The following PROM1 variants were observed in gnomAD, a reference collection of about 807,000 sequenced individuals.
PROM1 encodes the protein prominin-1.
A neutral mutation model predicts 116.9 loss-of-function variants in PROM1; 105 were observed. The ratio of observed to expected loss-of-function variants is 0.90; its 90% CI spans 0.77 to 1.06. The LOEUF (loss-of-function observed/expected upper bound fraction) is 1.06. Among genes scored for constraint, PROM1 ranks in the 50% least tolerant of loss-of-function variants. PROM1 has a pLI of 0.00. For missense variants in PROM1, 1,122 were observed against 1,045.2 expected, an observed-to-expected ratio of 1.07 and a Z score of -1.01; for synonymous variants, 393 against 387.0, an observed-to-expected ratio of 1.02 and a Z score of -0.18.
At chr4:15,996,188 C>T (rs1340149062) in intron 15 of PROM1, among the ~76,000 whole-genome samples, 1 of 152,200 alleles carries the variant, frequency 6.6e-6, no homozygotes, top group Non-Finnish European at 1.5e-5. Context: ...ACTATTACCA[C>T]TTAGCATAAT....
At chr4:16,007,221 A>AT (rs1725743247) in intron 12 of PROM1, among the ~76,000 whole-genome samples, 2 of 152,212 alleles carry the variant, frequency 1.3e-5, no homozygotes, top group African/African-American at 2.4e-5. Flanking sequence ...ACTGAACCAG[A>AT]TTACATGGCA....
chr4:15,998,254 T>A, intron 15 of PROM1, 131 bp downstream of exon 15: 1 of 1,329,784 alleles, frequency 7.5e-7, no homozygotes, highest in South Asian at 1.7e-5. Context: ...GTCTTTAAAA[T>A]AATACAGGAC....
chr4:16,014,915 A>G (rs1029658865), intron 10 of PROM1, among the ~76,000 whole-genome samples: 2 of 152,238 alleles, frequency 1.3e-5, no homozygotes, highest in African/African-American at 2.4e-5. Context: ...GGGGGTTTAC[A>G]GTTCAGTGGT....
At chr4:16,036,856 A>C (rs562043802) in intron 3 of PROM1, among the ~76,000 whole-genome samples, 2 of 152,198 alleles carry the variant, frequency 1.3e-5, no homozygotes, top group Non-Finnish European at 2.9e-5. Context: ...TTCTTTGGAT[A>C]ATGGTAGAAA....
chr4:16,073,739 C>T (rs1743330121), intron 2 of PROM1, among the ~76,000 whole-genome samples: 1 of 152,186 alleles, frequency 6.6e-6, no homozygotes, highest in African/African-American at 2.4e-5. Flanking sequence ...ATTAGGATTA[C>T]AATTCTTCAG....
intron 20 of PROM1, among the ~76,000 whole-genome samples, 152 bp downstream of exon 20, chr4:15,987,511 T>C (rs544812894): frequency 6.6e-6 from 1 of 152,110 alleles, no homozygotes; most frequent in Admixed American, 6.5e-5. Context: ...AGAAAGGAAA[T>C]AGTAGGAAAG....
intron 2 of PROM1, among the ~76,000 whole-genome samples, chr4:16,062,814 T>C (rs1740646588): frequency 6.6e-6 from 1 of 152,246 alleles, no homozygotes; most frequent in Non-Finnish European, 1.5e-5. Context: ...AAAAACTTTC[T>C]TAATTTAGGC....
At chr4:15,993,360 C>T (rs889671893) in intron 16 of PROM1, among the ~76,000 whole-genome samples, 2 of 152,182 alleles carry the variant, frequency 1.3e-5, no homozygotes, top group South Asian at 2.1e-4. Context: ...TCTAGGTTAA[C>T]GGCACCCTAG....
intron 2 of PROM1, among the ~76,000 whole-genome samples, chr4:16,061,737 C>T (rs1740356348): frequency 6.6e-6 from 1 of 152,128 alleles, no homozygotes; most frequent in African/African-American, 2.4e-5. Context: ...GCTAGCAATC[C>T]AAGATCCAGG....
intron 10 of PROM1, 64 bp downstream of exon 10, chr4:16,016,102 T>G: frequency 7.3e-7 from 1 of 1,369,638 alleles, no homozygotes; most frequent in Non-Finnish European, 1.0e-6. Flanking sequence ...CCTATTTTCT[T>G]ATGTACTAGT....
chr4:16,058,146 A>G (rs917492706), intron 2 of PROM1, among the ~76,000 whole-genome samples: 3 of 152,230 alleles, frequency 2.0e-5, no homozygotes, highest in African/African-American at 7.2e-5. Flanking sequence ...TTCACTGTGC[A>G]GTTCCAGAAA....
rs575698443 is a variant in PROM1 at position 15,992,974 on chromosome 4, G to A, written c.1768-583C>T. On this transcript the variant is annotated intron_variant, in intron 16 of 27. Coordinates refer to ENST00000447510, the MANE Select transcript of PROM1 (RefSeq NM_006017.3). Reference sequence around the variant, plus strand: ...TTCCAGCAGCATGGAGTGCCTGCACGTCCCAGGCAACCTCTCCAACTGCCA... The same window carrying A: ...TTCCAGCAGCATGGAGTGCCTGCACATCCCAGGCAACCTCTCCAACTGCCA... 1.2e-3 allele frequency among the ~76,000 whole-genome samples: 181 copies of A among 152,316 alleles called. 2 individuals are homozygous for A. The highest frequency in any genetic ancestry group is 3.4e-3 in the Middle Eastern group (1 of 294).
intron 5 of PROM1, among the ~76,000 whole-genome samples, chr4:16,028,725 T>C (rs1306249662): frequency 6.6e-6 from 1 of 152,194 alleles, no homozygotes; most frequent in African/African-American, 2.4e-5. Context: ...GACATTTACC[T>C]AACACAAAAA....
rs575032009 is a variant in PROM1 at position 16,062,136 on chromosome 4, C to T, written c.220+13551G>A. On this transcript the variant is annotated intron_variant, in intron 2 of 27. Transcript: ENST00000447510. ...CTCGATCTCCTGACTTCGTGACCAC[C>T]CGCCTCGGCACCCCAAAGTGCTGGG... Among the ~76,000 whole-genome samples the T allele has an allele frequency of 2.0e-5, 3 of 152,132 alleles. No individual in the cohort carries two copies. In the South Asian group the frequency reaches 6.2e-4, roughly 32 times the overall value.
At chr4:16,069,410 T>TA (rs1742307416) in intron 2 of PROM1, among the ~76,000 whole-genome samples, 1 of 152,268 alleles carries the variant, frequency 6.6e-6, no homozygotes, top group East Asian at 1.9e-4. Flanking sequence ...GAAGTGGCAC[T>TA]ACTCATCATC....
chr4:16,041,691 T>C (rs1318228677), intron 2 of PROM1, among the ~76,000 whole-genome samples: 1 of 151,292 alleles, frequency 6.6e-6, no homozygotes, highest in Non-Finnish European at 1.5e-5. Flanking sequence ...GGAGTTCAAC[T>C]AAGCCACAGT....
At chr4:16,052,402 G>A (rs781727162) in intron 2 of PROM1, among the ~76,000 whole-genome samples, 5 of 152,164 alleles carry the variant, frequency 3.3e-5, no homozygotes, top group Non-Finnish European at 7.3e-5. Context: ...GAATGCTCCC[G>A]ACACAGCAGA....
chr4:15,970,553 TGTGTG>T (rs1714249382), intron 27 of PROM1, among the ~76,000 whole-genome samples: 1 of 152,046 alleles, frequency 6.6e-6, no homozygotes, highest in Non-Finnish European at 1.5e-5. Flanking sequence ...ACTCACTGTG[TGTGTG>T]TATATATATA....
chr4:16,009,847 C>T (rs2149254645), intron 11 of PROM1, among the ~76,000 whole-genome samples: 1 of 149,666 alleles, frequency 6.7e-6, no homozygotes, highest in Admixed American at 6.8e-5. Context: ...AGAAGAATCA[C>T]TTGAACCTGG....
Sources: allele counts gnomAD v4.1 joint callset (sites outside exome capture counted in the v4.1 genomes callset), GRCh38; gene constraint gnomAD v4.1.1; transcripts MANE v1.5; gene names NCBI Gene and HGNC (gene_info 2026-07-23, HGNC 2026-07-21).